ACAD9: variants seen among roughly 807,000 people sequenced by gnomAD.
ACAD9 encodes complex I assembly factor ACAD9, mitochondrial.
Under a neutral mutation model 70.2 loss-of-function variants are expected in ACAD9, and 53 were observed. The ratio of observed to expected loss-of-function variants is 0.75; its 90% CI spans 0.61 to 0.95. The LOEUF is 0.95. Among genes scored for constraint, ACAD9 ranks in the 40% least tolerant of loss-of-function variants. The probability of loss-of-function intolerance (pLI) is 0.00; values close to 1 mark genes in which losing one functional copy is unlikely to be tolerated. For synonymous variants in ACAD9, 313 were observed against 312.1 expected (o/e 1.00, Z -0.03); for missense variants, 777 against 802.8 (o/e 0.97, Z 0.39).
intron 2 of ACAD9, among the ~76,000 whole-genome samples, chr3:128,885,870 G>T (rs1318018893): frequency 6.6e-6 from 1 of 151,830 alleles, no homozygotes; most frequent in African/African-American, 2.4e-5. Context: ...TACAAAAATT[G>T]GCCGGGCATG....
chr3:128,899,041 G>A (rs1559825331), intron 6 of ACAD9, among the ~76,000 whole-genome samples: 1 of 152,152 alleles, frequency 6.6e-6, no homozygotes, highest in Non-Finnish European at 1.5e-5. Flanking sequence ...ACAACTTTGG[G>A]TGTTCTTTCC....
At position 128,879,704 on chromosome 3, in the gene ACAD9, G is replaced by C; in HGVS notation, c.13G>C (p.Gly5Arg). ...AACATCGGGCAGCATGAGCGGCTGC[G>C]GGCTCTTCCTGCGCACCACGGCTGC... The part of the protein sequence containing the change: MSGC[G>R]LFLRTTAAAR... Residue 5 changes from glycine (G) to arginine (R), a missense_variant, in exon 1 of 18, where the codon GGG (glycine) becomes CGG (arginine). Transcript: ENST00000308982. 6.2e-7 allele frequency: 1 copy of C among 1,612,600 alleles called. No individual in the cohort carries two copies. The highest frequency in any genetic ancestry group is 8.5e-7 in the Non-Finnish European group (1 of 1,179,890).
chr3:128,895,228 A>G, intron 3 of ACAD9, 82 bp from the exon 4 acceptor site: 2 of 1,026,628 alleles, frequency 1.9e-6, no homozygotes, highest in East Asian at 2.7e-5. Context: ...CTTTATAATC[A>G]GAAGAAAAAA....
chr3:128,912,571 C>G lies in ACAD9; in HGVS notation c.1830C>G (p.Ala610=). Residue 610 remains alanine, a synonymous_variant, in exon 18 of 18, where the codon GCC becomes GCG. Transcript: ENST00000308982. ...CCCAGCAGATCCTTGAGAAGCGAGCCTATATCTGTGCCCACCCTCTGGACA... is the reference window on the plus strand; with the variant it reads ...CCCAGCAGATCCTTGAGAAGCGAGCGTATATCTGTGCCCACCCTCTGGACA... The part of the protein sequence containing the change: ...KVSQQILEKR[A]YICAHPLDRT... 6.2e-7 allele frequency: 1 copy of G among 1,614,164 alleles called. No individual in the cohort carries two copies. The highest frequency in any genetic ancestry group is 1.1e-5 in the South Asian group (1 of 91,086).
chr3:128,909,253 A>T (rs1936026743), intron 14 of ACAD9, 91 bp from the exon 15 acceptor site: 11 of 1,598,352 alleles, frequency 6.9e-6, no homozygotes, highest in Middle Eastern at 3.3e-4. Flanking sequence ...CTTCCCCCAG[A>T]TGGGGCATCT....
At chr3:128,883,125 G>C (rs1484158724) in intron 1 of ACAD9, among the ~76,000 whole-genome samples, 8 of 126,986 alleles carry the variant, frequency 6.3e-5, no homozygotes, top group Non-Finnish European at 1.1e-4. Context: ...GTCTTACTCT[G>C]TTGCCCACCC....
chr3:128,897,844 G>A (rs893103993), intron 6 of ACAD9, 134 bp downstream of exon 6: 3 of 851,844 alleles, frequency 3.5e-6, no homozygotes, highest in African/African-American at 3.4e-5. Context: ...GCTTTTATGT[G>A]TTTGTTTTTA....
chr3:128,894,903 GTC>G (rs1935526635), intron 3 of ACAD9, among the ~76,000 whole-genome samples: 1 of 131,668 alleles, frequency 7.6e-6, no homozygotes, highest in African/African-American at 3.0e-5. Context: ...TTGAGACAGA[GTC>G]TCTCTCTGTT....
intron 17 of ACAD9, among the ~76,000 whole-genome samples, chr3:128,912,188 T>G (rs1936402638): frequency 1.3e-5 from 2 of 152,184 alleles, no homozygotes; most frequent in Non-Finnish European, 2.9e-5. Flanking sequence ...TTATGTGCTG[T>G]GGAGGGTGCT....
In ACAD9 at chr3:128,902,475, C is replaced by G; in HGVS notation, c.883-78C>G. The G allele has an allele frequency of 7.0e-7, 1 of 1,433,084 alleles. No homozygotes were observed. Among genetic ancestry groups the G allele is most frequent in the East Asian group, 2.3e-5 (1 of 43,964 alleles). The allele number at this position is 1,433,084 out of a possible 1,614,324, so 88.8% of individuals were successfully genotyped here. On this transcript the variant is annotated intron_variant, in intron 8 of 17. Coordinates refer to ENST00000308982, the MANE Select transcript of ACAD9 (RefSeq NM_014049.5). The surrounding 1 kb of genome is among the most constrained non-coding windows in gnomAD (Gnocchi z 4.0). ...CCAGCTTGAGGGAAGGCAAGCTGAT[C>G]CACCTGGCCTGGTTTCGTTGCGGCC...
chr3:128,906,049 G>T, intron 11 of ACAD9, 72 bp from the exon 12 acceptor site: 1 of 1,609,564 alleles, frequency 6.2e-7, no homozygotes. Flanking sequence ...TGCCTCCCAT[G>T]CCTCCCCAGC....
intron 11 of ACAD9, 25 bp from the exon 12 acceptor site, chr3:128,906,096 A>G: frequency 6.2e-7 from 1 of 1,614,024 alleles, no homozygotes; most frequent in South Asian, 1.1e-5. Context: ...TCCTTTTGGA[A>G]AGGATTCAGT....
chr3:128,895,579 C>T (rs955836254), intron 4 of ACAD9, among the ~76,000 whole-genome samples, 163 bp downstream of exon 4: 5 of 152,212 alleles, frequency 3.3e-5, no homozygotes, highest in African/African-American at 1.2e-4. Flanking sequence ...GGTGCTCAAT[C>T]CTCACACACT....
chr3:128,909,470 C>T, intron 15 of ACAD9, 49 bp downstream of exon 15: 1 of 1,577,384 alleles, frequency 6.3e-7, no homozygotes, highest in Non-Finnish European at 8.7e-7. Context: ...TCCAATTTGG[C>T]CAGCATTCAT....
In ACAD9 at chr3:128,909,440, G is replaced by T; in HGVS notation, c.1563+19G>T. On this transcript the variant is annotated intron_variant, in intron 15 of 17. Transcript: ENST00000308982. ...TGGCAAGGTAACCAGGCCCTCCCAG[G>T]CCTGGGTCGCAAGCGGTCCTCCAAT... 1 of 1,613,276 alleles carries T rather than the reference G, an allele frequency of 6.2e-7. No individual in the cohort carries two copies. The highest frequency in any genetic ancestry group is 8.5e-7 in the Non-Finnish European group (1 of 1,179,876).
At chr3:128,895,850 T>TCATTAAG (rs1446184500) in intron 4 of ACAD9, among the ~76,000 whole-genome samples, 1 of 152,230 alleles carries the variant, frequency 6.6e-6, no homozygotes, top group Non-Finnish European at 1.5e-5. Flanking sequence ...ATCTCATTAC[T>TCATTAAG]CAGATTATTT....
chr3:128,887,261 T>C (rs527413709), intron 2 of ACAD9, among the ~76,000 whole-genome samples: 1 of 152,038 alleles, frequency 6.6e-6, no homozygotes, highest in Non-Finnish European at 1.5e-5. Context: ...TTCCAGGACA[T>C]AGGGCTCTGT....
rs1415792442 is a variant in ACAD9 at position 128,879,757 on chromosome 3, C to G, written c.66C>G (p.Val22=). 2.5e-6 allele frequency: 4 copies of G among 1,613,448 alleles called. No homozygotes were observed. Among genetic ancestry groups the G allele is most frequent in the Non-Finnish European group, 2.5e-6 (3 of 1,180,000 alleles). Residue 22 remains valine, a synonymous_variant, in exon 1 of 18, where the codon GTC becomes GTG. Coordinates refer to ENST00000308982, the MANE Select transcript of ACAD9 (RefSeq NM_014049.5). ...AAARACRGLV[V]STANRRLLRT... is the part of the protein sequence containing the mutation. ...CTCGTGCCTGCCGGGGTCTGGTGGT[C>G]TCTACCGCGAACCGGCGGCTACTGC...
chr3:128,909,948 G>A, intron 15 of ACAD9, 73 bp from the exon 16 acceptor site: 16 of 1,588,506 alleles, frequency 1.0e-5, no homozygotes, highest in Non-Finnish European at 1.4e-5. Flanking sequence ...AGGCAAAGAT[G>A]CAGCCCAGGG....
Sources: allele counts gnomAD v4.1 joint callset (sites outside exome capture counted in the v4.1 genomes callset), GRCh38; gene constraint gnomAD v4.1.1; non-coding constraint Gnocchi (gnomAD v3.1); transcripts MANE v1.5; gene names NCBI Gene and HGNC (gene_info 2026-07-23, HGNC 2026-07-21).